TPMT: variants seen among roughly 807,000 people sequenced by gnomAD.
TPMT encodes thiopurine S-methyltransferase.
In TPMT, 18 loss-of-function variants were observed where a neutral mutation model predicts 34.2. The observed-to-expected ratio is 0.53, with a 90% CI of 0.36 to 0.78. The LOEUF (loss-of-function observed/expected upper bound fraction) is 0.78, where lower values mean the gene tolerates loss of function less well. Among genes scored for constraint, TPMT ranks in the 30% least tolerant of loss-of-function variants. TPMT has a pLI of 0.00. For synonymous variants in TPMT, 69 were observed against 92.4 expected (o/e 0.75, Z 1.45); for missense variants, 265 against 288.1 (o/e 0.92, Z 0.58).
At chr6:18,147,944 G>A (rs1270789020) in intron 2 of TPMT, 29 bp from the exon 3 acceptor site, 1 of 1,564,408 alleles carries the variant, frequency 6.4e-7, no homozygotes, top group Non-Finnish European at 8.8e-7. Flanking sequence ...AAGGTTTTAG[G>A]ACAATTGTAT....
At position 18,149,067 on chromosome 6, in the gene TPMT, T is replaced by A; in HGVS notation, c.61A>T (p.Asn21Tyr). ...EEYSDTEVQKNQVLTLEEWQD... is the reference protein window; with the variant it reads ...EEYSDTEVQKYQVLTLEEWQD... ...CATTCTTCCAGAGTTAGTACTTGGT[T>A]TTTCTGTACCTCAGTATCCGAGTAC... Residue 21 changes from asparagine to tyrosine, a missense_variant, in exon 2 of 9, where the codon AAC (asparagine) becomes TAC (tyrosine). Asn to Tyr is a moderately radical substitution (Grantham distance 143, BLOSUM62 -2). Coordinates refer to ENST00000309983, the MANE Select transcript of TPMT (RefSeq NM_000367.5). This position sits in a 1 kb window ranked among gnomAD's most constrained non-coding sequence, Gnocchi z 5.0. 1 of 1,614,152 alleles carries A rather than the reference T, an allele frequency of 6.2e-7. No individual in the cohort carries two copies. Among genetic ancestry groups the A allele is most frequent in the Non-Finnish European group, 8.5e-7 (1 of 1,180,016 alleles).
At position 18,135,869 on chromosome 6, in the gene TPMT, C is replaced by CA. The variant is rs796505608; in HGVS notation, c.495-1981dup. 1.9e-3 allele frequency among the ~76,000 whole-genome samples: 287 copies of CA among 150,666 alleles called. No individual in the cohort carries two copies. Among genetic ancestry groups the CA allele is most frequent in the African/African-American group, 6.1e-3 (251 of 41,066 alleles). On this transcript the variant is annotated intron_variant, in intron 6 of 8. Coordinates refer to ENST00000309983, the MANE Select transcript of TPMT (RefSeq NM_000367.5). The surrounding 1 kb of genome is among the most constrained non-coding windows in gnomAD (Gnocchi z 5.0). ...GGGCAACAAGAGTGGAACTCCATCT[C>CA]AAAAAAAAACCCTAAGATACTACCA...
Position 18,132,258 on chromosome 6 carries a change from A to T in TPMT, c.581-81T>A. On this transcript the variant is annotated intron_variant, in intron 7 of 8. Transcript: ENST00000309983. This position sits in a 1 kb window ranked among gnomAD's most constrained non-coding sequence, Gnocchi z 4.8. ...TTCTACATACAACTTCATTATCCAA[A>T]TAGGTGATGATGTGGCATGTTCTTC... The T allele has an allele frequency of 7.8e-7, 1 of 1,283,692 alleles. No individual in the cohort carries two copies. The highest frequency in any genetic ancestry group is 1.9e-4 in the Middle Eastern group (1 of 5,326). 79.5% of individuals were successfully genotyped at this position (1,283,692 alleles called of 1,614,324 possible).
chr6:18,141,920 C>T (rs1213019954), intron 4 of TPMT, among the ~76,000 whole-genome samples: 1 of 152,188 alleles, frequency 6.6e-6, no homozygotes, highest in Non-Finnish European at 1.5e-5. Context: ...GTGGCTCTAT[C>T]TTCCCTTCTC....
At chr6:18,142,198 CTT>C (rs1259056459) in intron 4 of TPMT, among the ~76,000 whole-genome samples, 1 of 151,806 alleles carries the variant, frequency 6.6e-6, no homozygotes, top group Non-Finnish European at 1.5e-5. Context: ...TTTATTTTCT[CTT>C]TCTCTTTTTT....
Position 18,131,259 on chromosome 6 carries a change from T to C in TPMT, c.626-479A>G, listed in dbSNP as rs983247210. On this transcript the variant is annotated intron_variant, in intron 8 of 8. Transcript: ENST00000309983. This position sits in a 1 kb window ranked among gnomAD's most constrained non-coding sequence, Gnocchi z 4.3. ...AAATTTCCTGAACTCTGAATTGTTA[T>C]TATCACTTTTAACTCCCAAGAGTAA... Among the ~76,000 whole-genome samples, 5 of 152,188 alleles carry C rather than the reference T, an allele frequency of 3.3e-5. No individual in the cohort carries two copies. The South Asian group carries it at 1.0e-3, about 31-fold the overall frequency.
In TPMT at chr6:18,130,813, T is replaced by C. The variant is rs143550474; in HGVS notation, c.626-33A>G. ...AAGAAAGAGTAACATGTTAAAATAC[T>C]ATGAAGAATGACATCAGGGATTCTT... On this transcript the variant is annotated intron_variant, in intron 8 of 8. Coordinates refer to ENST00000309983, the MANE Select transcript of TPMT (RefSeq NM_000367.5). This position sits in a 1 kb window ranked among gnomAD's most constrained non-coding sequence, Gnocchi z 4.2. The C allele has an allele frequency of 6.5e-4, 1,005 of 1,536,708 alleles. 11 individuals are homozygous for C. In the African/African-American group the frequency reaches 0.013, roughly 19 times the overall value.
rs1561886617 is a variant in TPMT, at chr6:18,133,813, T to C, written c.571A>G (p.Lys191Glu). ...AACCCAACAACTTTACCTGGATGTT[T>C]AGTTGGATCATAAGAAAGAACACAC... ...LLCVLSYDPT[K>E]HPGPPFYVPH... Residue 191 changes from lysine (K) to glutamate (E), a missense_variant, in exon 7 of 9, where the codon AAA (lysine) becomes GAA (glutamate). Transcript: ENST00000309983. 1 of 1,604,516 alleles carries C rather than the reference T, an allele frequency of 6.2e-7. No individual in the cohort carries two copies. Among genetic ancestry groups the C allele is most frequent in the African/African-American group, 1.3e-5 (1 of 74,440 alleles).
chr6:18,145,136 T>C lies in TPMT; in HGVS notation c.234-1408A>G, dbSNP rs561232885. Among the ~76,000 whole-genome samples the C allele has an allele frequency of 6.6e-6, 1 of 152,330 alleles. No homozygotes were observed. The highest frequency in any genetic ancestry group is 2.1e-4 in the South Asian group (1 of 4,830). On this transcript the variant is annotated intron_variant, in intron 3 of 8. Coordinates refer to ENST00000309983, the MANE Select transcript of TPMT (RefSeq NM_000367.5). This position sits in a 1 kb window ranked among gnomAD's most constrained non-coding sequence, Gnocchi z 5.6. ...ATAAAAACATAGTTCTGCTATAATGTAACAAGTGCCTTCCTAAAATCACTG... is the reference window on the plus strand; with the variant it reads ...ATAAAAACATAGTTCTGCTATAATGCAACAAGTGCCTTCCTAAAATCACTG...
chr6:18,129,854 G>A lies in TPMT; in HGVS notation c.*814C>T, dbSNP rs1056001029. 6.6e-6 allele frequency: 1 copy of A among 152,156 alleles called. No individual in the cohort carries two copies. The highest frequency in any genetic ancestry group is 2.4e-5 in the African/African-American group (1 of 41,426). 9.4% of individuals were successfully genotyped at this position (152,156 alleles called of 1,614,324 possible). On this transcript the variant is annotated 3_prime_UTR_variant, in exon 9 of 9. Coordinates refer to ENST00000309983, the MANE Select transcript of TPMT (RefSeq NM_000367.5). ...TTCTTGATTCTGTTATATACATGGAGAAACCATGTGAAAAGGGATGCTAGG... is the reference window on the plus strand; with the variant it reads ...TTCTTGATTCTGTTATATACATGGAAAAACCATGTGAAAAGGGATGCTAGG...
chr6:18,137,613 G>A (rs533038228), intron 6 of TPMT, among the ~76,000 whole-genome samples: 4 of 152,090 alleles, frequency 2.6e-5, no homozygotes, highest in East Asian at 3.9e-4. Flanking sequence ...AACAAGACTC[G>A]GTATAATAAG....
At position 18,132,181 on chromosome 6, in the gene TPMT, G is replaced by A. The variant is rs766055721; in HGVS notation, c.581-4C>T. ...TGTGGAACATAAAATGGTGGACCTAGGTAAAAGAGAAATAAATTCTGAGTT... is the reference window on the plus strand; with the variant it reads ...TGTGGAACATAAAATGGTGGACCTAAGTAAAAGAGAAATAAATTCTGAGTT... On this transcript the variant is annotated splice_region_variant and splice_polypyrimidine_tract_variant and intron_variant, in intron 7 of 8. Transcript: ENST00000309983. The surrounding 1 kb of genome is among the most constrained non-coding windows in gnomAD (Gnocchi z 4.8). 9 of 1,613,920 alleles carry A rather than the reference G, an allele frequency of 5.6e-6. No homozygotes were observed. The East Asian group carries it at 1.3e-4, about 24-fold the overall frequency.
rs1225160450 is a variant in TPMT at position 18,140,551 on chromosome 6, GCACA to G, written c.367-838_367-835del. ...CAGAAAAAATTAGATGGGTGTGGTG[GCACA>G]CACCTGTAGTTCCAGCTACCTGGGA... On this transcript the variant is annotated intron_variant, in intron 4 of 8. Transcript: ENST00000309983. The surrounding 1 kb of genome is among the most constrained non-coding windows in gnomAD (Gnocchi z 4.7). Among the ~76,000 whole-genome samples, 2 of 152,080 alleles carry G rather than the reference GCACA, an allele frequency of 1.3e-5. No homozygotes were observed.
At chr6:18,144,562 A>C (rs1340377715) in intron 3 of TPMT, among the ~76,000 whole-genome samples, 1 of 151,774 alleles carries the variant, frequency 6.6e-6, no homozygotes, top group African/African-American at 2.4e-5. Flanking sequence ...TATTTTTAGT[A>C]GAGACGGGGT....
In TPMT at chr6:18,133,810, G is replaced by A; in HGVS notation, c.574C>T (p.His192Tyr). The A allele has an allele frequency of 6.3e-7, 1 of 1,596,082 alleles. No homozygotes were observed. Among genetic ancestry groups the A allele is most frequent in the Non-Finnish European group, 8.5e-7 (1 of 1,173,516 alleles). ...AAAAACCCAACAACTTTACCTGGAT[G>A]TTTAGTTGGATCATAAGAAAGAACA... The part of the protein sequence containing the change: ...LCVLSYDPTK[H>Y]PGPPFYVPHA... The change falls in exon 7 of 9, where the codon CAT (histidine) becomes TAT (tyrosine). Residue 192 changes from histidine (H) to tyrosine (Y), a missense_variant. His to Tyr is a moderately conservative substitution (Grantham distance 83). Coordinates refer to ENST00000309983, the MANE Select transcript of TPMT (RefSeq NM_000367.5).
Position 18,139,534 on chromosome 6 carries a change from A to G in TPMT, c.419+131T>C. 1.3e-6 allele frequency: 1 copy of G among 780,156 alleles called. No homozygotes were observed. The highest frequency in any genetic ancestry group is 2.2e-6 in the Non-Finnish European group (1 of 445,702). The allele number at this position is 780,156 out of a possible 1,614,324, so 48.3% of individuals were successfully genotyped here. On this transcript the variant is annotated intron_variant, in intron 5 of 8. Transcript: ENST00000309983. The surrounding 1 kb of genome is among the most constrained non-coding windows in gnomAD (Gnocchi z 4.2). ...TGTGTAATAAAAATATCTGCAGAAC[A>G]GACATTCAAAAAAATGCTTTGTGGA...
Position 18,130,709 on chromosome 6 carries a change from C to G in TPMT, c.697G>C (p.Asp233His), listed in dbSNP as rs769842877. 1.2e-6 allele frequency: 2 copies of G among 1,613,090 alleles called. No individual in the cohort carries two copies. Among genetic ancestry groups the G allele is most frequent in the South Asian group, 1.1e-5 (1 of 91,028 alleles). Reference sequence around the variant, plus strand: ...AGATATAACTTTTCAAAAAGACAGTCAATTCCCCAACTTTTATGTCGTTCT... The same window carrying G: ...AGATATAACTTTTCAAAAAGACAGTGAATTCCCCAACTTTTATGTCGTTCT... ...FEERHKSWGI[D>H]CLFEKLYLLT... The change falls in exon 9 of 9, where the codon GAC (aspartate) becomes CAC (histidine). Residue 233 changes from aspartate (D) to histidine (H), a missense_variant. Coordinates refer to ENST00000309983, the MANE Select transcript of TPMT (RefSeq NM_000367.5). This position sits in a 1 kb window ranked among gnomAD's most constrained non-coding sequence, Gnocchi z 4.2.
At chr6:18,133,939 G>A (rs1373840737) in intron 6 of TPMT, 50 bp from the exon 7 acceptor site, 3 of 1,497,052 alleles carry the variant, frequency 2.0e-6, no homozygotes, top group Middle Eastern at 3.6e-4. Context: ...CACAGGCAAA[G>A]GCTGGAGGGA....
chr6:18,139,684 T>C lies in TPMT; in HGVS notation c.400A>G (p.Ser134Gly), dbSNP rs1347019530. The change falls in exon 5 of 9, where the codon AGT becomes GGT. Residue 134 changes from serine (S) to glycine (G), a missense_variant. Transcript: ENST00000309983. This position sits in a 1 kb window ranked among gnomAD's most constrained non-coding sequence, Gnocchi z 4.2. ...SSGNISLYCC[S>G]IFDLPRTNIG... ...ACCTACCTGGGAAGATCAAAAATACTGCAACAGTACAATGAAATGTTCCCC... is the reference window on the plus strand; with the variant it reads ...ACCTACCTGGGAAGATCAAAAATACCGCAACAGTACAATGAAATGTTCCCC... 1 of 1,613,626 alleles carries C rather than the reference T, an allele frequency of 6.2e-7. No individual in the cohort carries two copies. Among genetic ancestry groups the C allele is most frequent in the Non-Finnish European group, 8.5e-7 (1 of 1,179,816 alleles).
Sources: allele counts gnomAD v4.1 joint callset (sites outside exome capture counted in the v4.1 genomes callset), GRCh38; gene constraint gnomAD v4.1.1; non-coding constraint Gnocchi (gnomAD v3.1); transcripts MANE v1.5; gene names NCBI Gene and HGNC (gene_info 2026-07-23, HGNC 2026-07-21).